KYAT3: variants seen among roughly 807,000 people sequenced by gnomAD.
The protein encoded by KYAT3 is kynurenine--oxoglutarate transaminase 3.
KYAT3 carries 50 observed loss-of-function variants against 59.0 expected under a neutral mutation model. The observed-to-expected ratio is 0.85, with a 90% CI of 0.68 to 1.07. KYAT3 has a LOEUF of 1.07. KYAT3 is among the 50% of genes least tolerant of loss of function. The probability of loss-of-function intolerance (pLI) is 0.00; values close to 1 mark genes in which losing one functional copy is unlikely to be tolerated. For missense variants in KYAT3, 497 were observed against 533.3 expected, an observed-to-expected ratio of 0.93 and a Z score of 0.67; for synonymous variants, 148 against 177.0, an observed-to-expected ratio of 0.84 and a Z score of 1.30.
At chr1:88,946,365 G>A (rs2101022713) in intron 11 of KYAT3, among the ~76,000 whole-genome samples, 1 of 149,322 alleles carries the variant, frequency 6.7e-6, no homozygotes, top group East Asian at 2.0e-4. Flanking sequence ...ATCTCACTAT[G>A]TTGCCCAGGC....
intron 2 of KYAT3, chr1:88,980,045 G>A (rs901089019): frequency 1.3e-5 from 2 of 152,148 alleles, no homozygotes; most frequent in African/African-American, 2.4e-5. Flanking sequence ...CATTGTGTGT[G>A]AAAGAAACCA....
downstream of KYAT3, among the ~76,000 whole-genome samples, chr1:88,934,243 C>G (rs1272463711): frequency 6.6e-6 from 1 of 151,886 alleles, no homozygotes; most frequent in Non-Finnish European, 1.5e-5. Flanking sequence ...TCACTTGAGG[C>G]CAGGAGTTTG....
chr1:88,969,451 A>G lies in KYAT3; in HGVS notation c.116T>C (p.Phe39Ser). The G allele has an allele frequency of 6.3e-7, 1 of 1,578,954 alleles. No homozygotes were observed. The highest frequency in any genetic ancestry group is 8.7e-7 in the Non-Finnish European group (1 of 1,150,002). The change falls in exon 3 of 14, where the codon TTC becomes TCC. Residue 39 changes from phenylalanine (F) to serine (S), a missense_variant. By Grantham distance (155) the Phe-to-Ser change is radical. Transcript: ENST00000260508. ...TCCTTCAATCCGTTTTGCATTTGTG[A>G]ATTTCAGTGACATTTTCTGAAATAT... is the stretch of plus-strand genomic sequence containing the variant. ...FSTSAKMSLK[F>S]TNAKRIEGLD...
chr1:88,931,627 C>T (rs1418270469), downstream of KYAT3, among the ~76,000 whole-genome samples: 3 of 152,064 alleles, frequency 2.0e-5, no homozygotes, highest in Non-Finnish European at 4.4e-5. Flanking sequence ...CTAAGGCTAG[C>T]TGGGAAGGTG....
chr1:88,989,494 C>G (rs1677661410), intron 1 of KYAT3, among the ~76,000 whole-genome samples: 1 of 152,144 alleles, frequency 6.6e-6, no homozygotes, highest in South Asian at 2.1e-4. Flanking sequence ...AGCGGGAACC[C>G]TCTAACGACA....
chr1:88,987,642 T>C (rs1276637167), intron 2 of KYAT3, among the ~76,000 whole-genome samples: 4 of 152,244 alleles, frequency 2.6e-5, no homozygotes, highest in Non-Finnish European at 5.9e-5. Flanking sequence ...AGATTTTGCC[T>C]CTTTTTTTCT....
chr1:88,962,226 C>G (rs2101046210), intron 5 of KYAT3, 81 bp from the exon 6 acceptor site: 2 of 1,051,272 alleles, frequency 1.9e-6, no homozygotes, highest in South Asian at 2.6e-5. Context: ...ATGGGCTAGG[C>G]ACTGTACTAT....
chr1:88,941,533 T>A (rs915193332), intron 13 of KYAT3, among the ~76,000 whole-genome samples: 6 of 149,464 alleles, frequency 4.0e-5, no homozygotes, highest in Non-Finnish European at 7.4e-5. Context: ...AGGCTGTTAT[T>A]TTTTTTTTTT....
intron 10 of KYAT3, among the ~76,000 whole-genome samples, chr1:88,949,705 GA>G (rs1165030552): frequency 1.3e-5 from 2 of 152,210 alleles, no homozygotes; most frequent in Non-Finnish European, 2.9e-5. Flanking sequence ...GTGCAAAGGA[GA>G]AATGTGCCTT....
rs1240358817 is a variant in KYAT3, at chr1:88,949,274, C to A, written c.958G>T (p.Ala320Ser). Residue 320 changes from alanine (A) to serine (S), a missense_variant, in exon 11 of 14, where the codon GCC becomes TCC. Ala to Ser is a moderately conservative substitution (Grantham distance 99). Transcript: ENST00000260508. ...IYTCATPLQE[A>S]LAQAFWIDIK... ...TCAATCCAGAAAGCTTGAGCCAAGG[C>A]TTCCTGTTTGTTAAGAATCAAAAAA... is the stretch of plus-strand genomic sequence containing the variant. 2.0e-6 allele frequency: 3 copies of A among 1,537,010 alleles called. No homozygotes were observed. The highest frequency in any genetic ancestry group is 2.6e-6 in the Non-Finnish European group (3 of 1,148,916).
chr1:88,978,676 A>ATT lies in KYAT3; in HGVS notation c.100-9211_100-9210dup, dbSNP rs34867665. ...CCACACCTGGCTAATTTTGTTCTTAATTTTTTTTTTTTTTGGTAGAGATAG... is the reference window on the plus strand; with the variant it reads ...CCACACCTGGCTAATTTTGTTCTTAATTTTTTTTTTTTTTTTGGTAGAGATAG... On this transcript the variant is annotated intron_variant, in intron 2 of 13. Transcript: ENST00000260508. Among the ~76,000 whole-genome samples the ATT allele has an allele frequency of 8.4e-3, 1,201 of 143,378 alleles. 7 individuals are homozygous for ATT. The highest frequency in any genetic ancestry group is 0.012 in the Non-Finnish European group (784 of 65,496). 94.1% of individuals were successfully genotyped at this position (143,378 alleles called of 152,430 possible). A position where few individuals can be genotyped will look rare whatever the true frequency, so the allele number is the denominator to read the frequency against.
intron 4 of KYAT3, among the ~76,000 whole-genome samples, chr1:88,966,808 T>G (rs1676367760): frequency 6.6e-6 from 1 of 152,092 alleles, no homozygotes; most frequent in Non-Finnish European, 1.5e-5. Context: ...GCACTACAGG[T>G]GTAATCTGTA....
chr1:88,965,466 A>G (rs948037227), intron 4 of KYAT3, among the ~76,000 whole-genome samples: 4 of 152,212 alleles, frequency 2.6e-5, no homozygotes, highest in Non-Finnish European at 5.9e-5. Context: ...ACTAGTGTTG[A>G]TGTGATAGCA....
chr1:88,983,529 G>C (rs1677231528), intron 2 of KYAT3: 2 of 1,614,180 alleles, frequency 1.2e-6, no homozygotes, highest in Non-Finnish European at 8.5e-7. Flanking sequence ...CTACTTCTTG[G>C]AGGTGGGGGC....
chr1:88,933,343 G>A (rs1013666875), downstream of KYAT3, among the ~76,000 whole-genome samples: 1 of 151,970 alleles, frequency 6.6e-6, no homozygotes, highest in Non-Finnish European at 1.5e-5. Flanking sequence ...AGGAGTTCAA[G>A]TGATACTTAT....
chr1:88,931,814 A>T (rs1674914705), downstream of KYAT3, among the ~76,000 whole-genome samples: 1 of 141,622 alleles, frequency 7.1e-6, no homozygotes, highest in South Asian at 2.4e-4. Flanking sequence ...CATTCGAGCC[A>T]GCAACAGCTA....
the KYAT3 span, among the ~76,000 whole-genome samples, chr1:88,927,491 A>G: frequency 6.6e-6 from 1 of 152,100 alleles, no homozygotes; most frequent in Non-Finnish European, 1.5e-5. Flanking sequence ...ATTATGTAAA[A>G]AGTGTGATTT....
At chr1:88,922,732 C>T in the KYAT3 span, among the ~76,000 whole-genome samples, 1 of 152,282 alleles carries the variant, frequency 6.6e-6, no homozygotes, top group African/African-American at 2.4e-5. Context: ...AAGATGTTTG[C>T]TCACCTATTT....
the KYAT3 span, among the ~76,000 whole-genome samples, chr1:88,923,028 T>C: frequency 0.015 from 2,246 of 152,306 alleles, 55 homozygotes; most frequent in African/African-American, 0.051. Flanking sequence ...AAGACAGAAC[T>C]GTGAAATGGA....
Sources: gnomAD v4.1 joint callset for allele counts (sites outside exome capture counted in the v4.1 genomes callset) on GRCh38, gnomAD v4.1.1 for gene constraint, MANE v1.5 for transcripts, NCBI Gene and HGNC (gene_info 2026-07-23, HGNC 2026-07-21) for gene names.